Variants in PDCD6IP observed in about 807,000 individuals in gnomAD.
The protein encoded by PDCD6IP is programmed cell death 6-interacting protein.
A neutral mutation model predicts 103.7 loss-of-function variants in PDCD6IP; 43 were observed. The observed-to-expected ratio is 0.41, with a 90% confidence interval of 0.32 to 0.53. The LOEUF (loss-of-function observed/expected upper bound fraction) is 0.53, where lower values mean the gene tolerates loss of function less well. PDCD6IP is among the 20% of genes least tolerant of loss of function. The pLI is 0.16. For missense variants in PDCD6IP, 871 were observed against 1,036.7 expected (o/e 0.84, Z 2.20); for synonymous variants, 354 against 378.7 (o/e 0.93, Z 0.76).
intron 2 of PDCD6IP, 101 bp downstream of exon 2, chr3:33,812,227 A>G: frequency 6.9e-7 from 1 of 1,439,044 alleles, no homozygotes; most frequent in Non-Finnish European, 9.2e-7. Context: ...AGTGTTATAA[A>G]AATAGGAGCT....
In PDCD6IP at chr3:33,852,654, A is replaced by G. The variant is rs748031993; in HGVS notation, c.1808A>G (p.Glu603Gly). 2 of 1,599,614 alleles carry G rather than the reference A, an allele frequency of 1.3e-6. No individual in the cohort carries two copies. Among genetic ancestry groups the G allele is most frequent in the Non-Finnish European group, 1.7e-6 (2 of 1,176,342 alleles). Residue 603 changes from glutamate (E) to glycine (G), a missense_variant, in exon 13 of 18, where the codon GAA (glutamate) becomes GGA (glycine). By Grantham distance (98) the Glu-to-Gly change is moderately conservative. Coordinates refer to ENST00000307296, the MANE Select transcript of PDCD6IP (RefSeq NM_013374.6). ...VINEEALSVT[E>G]LDRVYGGLTT... ...AATGAAGAAGCTCTTTCTGTTACTG[A>G]ACTAGATCGAGTCTATGGAGGTCTT...
chr3:33,845,884 T>C (rs1697581349), intron 12 of PDCD6IP, among the ~76,000 whole-genome samples: 1 of 152,224 alleles, frequency 6.6e-6, no homozygotes, highest in Admixed American at 6.5e-5. Context: ...CTTGGAAGTA[T>C]AGAAATTTCC....
In PDCD6IP at chr3:33,845,585, T is replaced by C; in HGVS notation, c.1638T>C (p.Ser546=). 1 of 1,599,544 alleles carries C rather than the reference T, an allele frequency of 6.3e-7. No individual in the cohort carries two copies. Residue 546 remains serine (S), a synonymous_variant, in exon 12 of 18, where the codon AGT becomes AGC. Coordinates refer to ENST00000307296, the MANE Select transcript of PDCD6IP (RefSeq NM_013374.6). The stretch of plus-strand genomic sequence containing the variant: ...ATCCAGCAAAGACCATGCAGGGCAG[T>C]GAGGTAAGAAGGACACTTTGATGTA... ...SANPAKTMQG[S]EVVNVLKSLL...
intron 9 of PDCD6IP, among the ~76,000 whole-genome samples, chr3:33,839,940 A>G (rs1169036991): frequency 6.6e-6 from 1 of 152,188 alleles, no homozygotes; most frequent in Non-Finnish European, 1.5e-5. Flanking sequence ...AGTTTTTAAA[A>G]GTGAGTTTTT....
chr3:33,830,231 G>A (rs1273714461), intron 7 of PDCD6IP, among the ~76,000 whole-genome samples: 1 of 152,136 alleles, frequency 6.6e-6, no homozygotes, highest in African/African-American at 2.4e-5. Flanking sequence ...GTCAGACCCA[G>A]ATGTGTCTGG....
At position 33,836,296 on chromosome 3, in the gene PDCD6IP, C is replaced by T. The variant is rs766069806; in HGVS notation, c.1057+30C>T. On this transcript the variant is annotated intron_variant, in intron 8 of 17. Transcript: ENST00000307296. ...GTCAGTTATTCAGACACACTTTAAT[C>T]TCATTTTTCTCTAGTTTACTCTGTT... The T allele has an allele frequency of 6.5e-6, 8 of 1,239,192 alleles. No homozygotes were observed. In the South Asian group the frequency reaches 9.9e-5, roughly 15 times the overall value. The allele number at this position is 1,239,192 out of a possible 1,614,324, so 76.8% of individuals were successfully genotyped here. A position where few individuals can be genotyped will look rare whatever the true frequency, so the allele number is the denominator to read the frequency against.
chr3:33,852,035 A>G (rs1697726129), intron 12 of PDCD6IP, among the ~76,000 whole-genome samples: 1 of 152,188 alleles, frequency 6.6e-6, no homozygotes, highest in Non-Finnish European at 1.5e-5. Context: ...AGTAGAATGT[A>G]GAGTGGCTAA....
chr3:33,804,877 C>G (rs1696556744), intron 1 of PDCD6IP, among the ~76,000 whole-genome samples: 1 of 152,228 alleles, frequency 6.6e-6, no homozygotes, highest in South Asian at 2.1e-4. Context: ...AATCTATGAA[C>G]TCCAGCCAAT....
chr3:33,809,144 T>C (rs1275996597), intron 1 of PDCD6IP, among the ~76,000 whole-genome samples: 2 of 152,228 alleles, frequency 1.3e-5, no homozygotes, highest in East Asian at 3.8e-4. Context: ...TCTTGTCTCT[T>C]TATTCTCCAT....
intron 6 of PDCD6IP, chr3:33,827,369 T>C (rs976618494): frequency 3.5e-6 from 1 of 289,374 alleles, no homozygotes; most frequent in Non-Finnish European, 5.2e-6. Context: ...TTTATTGATT[T>C]GTAAGTCATA....
rs1485417265 is a variant in PDCD6IP, at chr3:33,822,100, T to TA, written c.462+19dup. ...ATTACCAGGTATGCTGAAAAGTAGT[T>TA]ACTACAATAATGGTCAACACTAAAT... On this transcript the variant is annotated intron_variant, in intron 4 of 17. Transcript: ENST00000307296. 6.2e-7 allele frequency: 1 copy of TA among 1,612,372 alleles called. No homozygotes were observed. The highest frequency in any genetic ancestry group is 1.7e-5 in the Admixed American group (1 of 59,936).
At chr3:33,836,443 CAAT>C (rs1341562147) in intron 8 of PDCD6IP, among the ~76,000 whole-genome samples, 177 bp downstream of exon 8, 2 of 152,010 alleles carry the variant, frequency 1.3e-5, no homozygotes, top group African/African-American at 4.8e-5. Context: ...GGAAAGTAAA[CAAT>C]AATAAAGCAT....
Position 33,866,528 on chromosome 3 carries a change from T to G in PDCD6IP, c.*3T>G. On this transcript the variant is annotated 3_prime_UTR_variant, in exon 18 of 18. Transcript: ENST00000307296. ...AGTCTTACTATCCACAGCAGTAATA[T>G]GTCTGCTCAGCAGCTCAGCTGATTC... is the stretch of plus-strand genomic sequence containing the variant. 6.3e-7 allele frequency: 1 copy of G among 1,594,934 alleles called. No individual in the cohort carries two copies. Among genetic ancestry groups the G allele is most frequent in the Non-Finnish European group, 8.5e-7 (1 of 1,173,372 alleles).
intron 15 of PDCD6IP, among the ~76,000 whole-genome samples, chr3:33,862,229 A>G (rs889507423): frequency 2.6e-5 from 4 of 151,978 alleles, no homozygotes; most frequent in African/African-American, 9.7e-5. Context: ...TTATTTACTT[A>G]AGAAGTAGTT....
intron 3 of PDCD6IP, among the ~76,000 whole-genome samples, chr3:33,821,743 C>T (rs13434046): frequency 0.38 from 58,411 of 152,028 alleles, 12,949 homozygotes; most frequent in African/African-American, 0.61. Flanking sequence ...TACTGTTCTT[C>T]AGCGTTTTGG....
At position 33,869,579 on chromosome 3, in the gene PDCD6IP, G is replaced by A. The variant is rs1171545090; in HGVS notation, c.*3054G>A. 1 of 152,064 alleles carries A rather than the reference G, an allele frequency of 6.6e-6. No individual in the cohort carries two copies. Among genetic ancestry groups the A allele is most frequent in the African/African-American group, 2.4e-5 (1 of 41,430 alleles). The allele number at this position is 152,064 out of a possible 1,614,324, so 9.4% of individuals were successfully genotyped here. A position where few individuals can be genotyped will look rare whatever the true frequency, so the allele number is the denominator to read the frequency against. ...ACCAGAGATTTTAGATTCTTTTCTG[G>A]TTAGAAACATTGCTGGTAGTTGGAT... On this transcript the variant is annotated 3_prime_UTR_variant, in exon 18 of 18. Coordinates refer to ENST00000307296, the MANE Select transcript of PDCD6IP (RefSeq NM_013374.6).
chr3:33,835,254 A>T (rs1217660767), intron 7 of PDCD6IP: 2 of 456,592 alleles, frequency 4.4e-6, no homozygotes, highest in Non-Finnish European at 8.8e-6. Context: ...TTTTTTTCAG[A>T]TCCACCCTTT....
At chr3:33,821,907 C>T (rs1212865055) in intron 3 of PDCD6IP, 48 bp from the exon 4 acceptor site, 3 of 1,557,654 alleles carry the variant, frequency 1.9e-6, no homozygotes, top group East Asian at 4.6e-5. Flanking sequence ...CATTTGTTTT[C>T]TTTAGAAAAA....
At chr3:33,855,574 C>G (rs1308915771) in intron 15 of PDCD6IP, among the ~76,000 whole-genome samples, 1 of 152,152 alleles carries the variant, frequency 6.6e-6, no homozygotes, top group Admixed American at 6.5e-5. Flanking sequence ...CAAATAGGTT[C>G]CTTACATAAA....
Sources: allele counts gnomAD v4.1 joint callset (sites outside exome capture counted in the v4.1 genomes callset), GRCh38; gene constraint gnomAD v4.1.1; transcripts MANE v1.5; gene names NCBI Gene and HGNC (gene_info 2026-07-23, HGNC 2026-07-21).